SLC25A15: variants seen among roughly 807,000 people sequenced by gnomAD.
The protein encoded by SLC25A15 is mitochondrial ornithine transporter 1.
SLC25A15 carries 24 observed loss-of-function variants against 32.3 expected under a neutral mutation model. The observed-to-expected ratio is 0.74, with a 90% CI of 0.54 to 1.04. The LOEUF (loss-of-function observed/expected upper bound fraction) is 1.04, where lower values mean the gene tolerates loss of function less well. SLC25A15 is among the 50% of genes least tolerant of loss of function. The pLI, the probability that SLC25A15 is intolerant of heterozygous loss-of-function variation, is 0.00. For missense variants in SLC25A15, 317 were observed against 374.5 expected (o/e 0.85, Z 1.27); for synonymous variants, 132 against 142.1 (o/e 0.93, Z 0.51).
intron 4 of SLC25A15, 97 bp from the exon 5 acceptor site, chr13:40,807,197 A>G (rs1261943268): frequency 9.1e-7 from 1 of 1,098,434 alleles, no homozygotes; most frequent in Admixed American, 1.7e-5. Context: ...CTTCCTTACT[A>G]GTGCTTGATC....
rs1322085219 is a variant in SLC25A15, at chr13:40,793,355, A to G, written c.55+74A>G. The G allele has an allele frequency of 2.8e-5, 35 of 1,236,352 alleles. 1 individual carries two copies. In the Admixed American group the frequency reaches 2.9e-4, roughly 10 times the overall value. 76.6% of individuals were successfully genotyped at this position (1,236,352 alleles called of 1,614,324 possible). On this transcript the variant is annotated intron_variant, in intron 2 of 6. Transcript: ENST00000338625. ...TATCTGATGGTGGTCCCATGAGATT[A>G]TACTACCATATTTTTACTGTACCTT...
At chr13:40,800,607 T>C (rs1881840030) in intron 3 of SLC25A15, among the ~76,000 whole-genome samples, 2 of 152,230 alleles carry the variant, frequency 1.3e-5, no homozygotes, top group South Asian at 4.1e-4. Flanking sequence ...GGGGAAGACC[T>C]GTGTCTTCTG....
At chr13:40,790,897 A>G (rs1182208791) in intron 1 of SLC25A15, among the ~76,000 whole-genome samples, 1 of 152,138 alleles carries the variant, frequency 6.6e-6, no homozygotes, top group African/African-American at 2.4e-5. Flanking sequence ...TATTTGTAGA[A>G]TTTAATGTGT....
chr13:40,794,023 A>T (rs1881593829), intron 2 of SLC25A15, among the ~76,000 whole-genome samples: 1 of 152,190 alleles, frequency 6.6e-6, no homozygotes, highest in Admixed American at 6.5e-5. Context: ...TAGTGTTGGG[A>T]AAGAAAGGAG....
intron 4 of SLC25A15, among the ~76,000 whole-genome samples, chr13:40,806,563 A>T (rs112184471): frequency 0.011 from 1,613 of 152,320 alleles, 36 homozygotes; most frequent in African/African-American, 0.036. Flanking sequence ...GATGGGGAAT[A>T]CCTGACAGTG....
intron 1 of SLC25A15, among the ~76,000 whole-genome samples, chr13:40,789,910 G>GC (rs1881420182): frequency 6.6e-6 from 1 of 152,216 alleles, no homozygotes; most frequent in Non-Finnish European, 1.5e-5. Flanking sequence ...CTGTCATTTG[G>GC]CTGCGGGGCT....
intron 2 of SLC25A15, 81 bp downstream of exon 2, chr13:40,793,362 C>A: frequency 8.5e-7 from 1 of 1,175,206 alleles, no homozygotes; most frequent in Non-Finnish European, 1.3e-6. Flanking sequence ...ATTATACTAC[C>A]ATATTTTTAC....
chr13:40,794,324 CA>C (rs1325475020), intron 2 of SLC25A15, among the ~76,000 whole-genome samples: 1 of 147,374 alleles, frequency 6.8e-6, no homozygotes, highest in Non-Finnish European at 1.5e-5. Context: ...TGGGCAACAA[CA>C]GTGAAACTCT....
At chr13:40,792,006 A>C (rs1166630993) in intron 1 of SLC25A15, among the ~76,000 whole-genome samples, 1 of 152,170 alleles carries the variant, frequency 6.6e-6, no homozygotes, top group Admixed American at 6.6e-5. Context: ...CAGTGTGATG[A>C]GGAATAAGTT....
intron 1 of SLC25A15, 64 bp from the exon 2 acceptor site, chr13:40,793,094 C>T (rs1212141649): frequency 3.4e-6 from 3 of 876,818 alleles, no homozygotes; most frequent in Non-Finnish European, 5.6e-6. Context: ...TGTAATTTGG[C>T]TGCAGGCCTA....
intron 3 of SLC25A15, among the ~76,000 whole-genome samples, chr13:40,804,550 T>C (rs985084577): frequency 9.2e-5 from 14 of 151,640 alleles, no homozygotes; most frequent in African/African-American, 3.4e-4. Flanking sequence ...ATCATTTTTT[T>C]TTTTTTTTTG....
rs1347286095 is a variant in SLC25A15 at position 40,811,466 on chromosome 13, G to C, written c.*1799G>C. 6.6e-6 allele frequency among the ~76,000 whole-genome samples: 1 copy of C among 151,926 alleles called. No homozygotes were observed. Among genetic ancestry groups the C allele is most frequent in the Admixed American group, 6.6e-5 (1 of 15,258 alleles). On this transcript the variant is annotated 3_prime_UTR_variant, in exon 7 of 7. Transcript: ENST00000338625. ...ATTGTGCCACTGCACTCCAGACTGG[G>C]TGACACAGCGAGACTTCATCTCAAA...
intron 2 of SLC25A15, among the ~76,000 whole-genome samples, chr13:40,794,504 G>A (rs991700640): frequency 3.3e-5 from 5 of 152,204 alleles, no homozygotes; most frequent in Non-Finnish European, 5.9e-5. Flanking sequence ...TGCTACCTGT[G>A]ATAAGGGGTA....
At chr13:40,797,879 G>A (rs1449748114) in intron 2 of SLC25A15, among the ~76,000 whole-genome samples, 1 of 152,122 alleles carries the variant, frequency 6.6e-6, no homozygotes. Flanking sequence ...AGAAGGAGAC[G>A]GTAAACACTA....
chr13:40,790,582 T>C (rs1385819667), intron 1 of SLC25A15, among the ~76,000 whole-genome samples: 2 of 152,170 alleles, frequency 1.3e-5, no homozygotes, highest in African/African-American at 4.8e-5. Flanking sequence ...ATTTGTAGAA[T>C]TTATTTGTTT....
chr13:40,801,221 G>A (rs1221434554), intron 3 of SLC25A15, among the ~76,000 whole-genome samples: 1 of 143,798 alleles, frequency 7.0e-6, no homozygotes, highest in Non-Finnish European at 1.5e-5. Context: ...GAGCGAGACT[G>A]TGTCTCTCAA....
chr13:40,796,724 TTCTC>T (rs922230204), intron 2 of SLC25A15, among the ~76,000 whole-genome samples: 85 of 152,300 alleles, frequency 5.6e-4, no homozygotes, highest in African/African-American at 1.8e-3. Flanking sequence ...GTGAGTCTGC[TTCTC>T]TCTCCTCACC....
chr13:40,805,016 G>A (rs962371435), intron 3 of SLC25A15, 102 bp from the exon 4 acceptor site: 17 of 1,417,022 alleles, frequency 1.2e-5, no homozygotes, highest in East Asian at 1.1e-4. Context: ...ATGCCCTCAC[G>A]CCCGGCTCCT....
chr13:40,793,812 C>T (rs1468268211), intron 2 of SLC25A15, among the ~76,000 whole-genome samples: 2 of 152,188 alleles, frequency 1.3e-5, no homozygotes, highest in Non-Finnish European at 1.5e-5. Flanking sequence ...ATTGTTAACA[C>T]CTTGTCAGTC....
Sources: allele counts gnomAD v4.1 joint callset (sites outside exome capture counted in the v4.1 genomes callset), GRCh38; gene constraint gnomAD v4.1.1; transcripts MANE v1.5; gene names NCBI Gene and HGNC (gene_info 2026-07-23, HGNC 2026-07-21).